Variants in PCDH15 observed in about 807,000 individuals in gnomAD.
PCDH15 encodes the protein protocadherin-15.
PCDH15 carries 129 observed loss-of-function variants against 178.5 expected under a neutral mutation model. The observed-to-expected ratio is 0.72, with a 90% CI of 0.63 to 0.84. The LOEUF is 0.84. Among genes scored for constraint, PCDH15 ranks in the 40% least tolerant of loss-of-function variants. The pLI, the probability that PCDH15 is intolerant of heterozygous loss-of-function variation, is 0.00. For synonymous variants in PCDH15, 800 were observed against 732.0 expected (o/e 1.09, Z -1.50); for missense variants, 2,230 against 2,099.9 (o/e 1.06, Z -1.21).
At chr10:55,247,770 G>A (rs1841719357) in intron 1 of PCDH15, 1 of 151,574 alleles carries the variant, frequency 6.6e-6, no homozygotes, top group Admixed American at 6.6e-5. Context: ...TATACAAATT[G>A]GCCAGGCGTA....
At chr10:55,431,640 A>G (rs1838882304) in intron 2 of PCDH15, among the ~76,000 whole-genome samples, 1 of 152,202 alleles carries the variant, frequency 6.6e-6, no homozygotes, top group Non-Finnish European at 1.5e-5. Flanking sequence ...AAATCTCTTA[A>G]GACAAATTTT....
At chr10:54,309,425 A>G (rs2060762905) in intron 8 of PCDH15, among the ~76,000 whole-genome samples, 1 of 152,012 alleles carries the variant, frequency 6.6e-6, no homozygotes, top group Non-Finnish European at 1.5e-5. Flanking sequence ...ATGATTATTC[A>G]TATTTATATT....
chr10:55,224,077 C>G (rs1285486235), intron 1 of PCDH15, among the ~76,000 whole-genome samples: 1 of 151,954 alleles, frequency 6.6e-6, no homozygotes, highest in Non-Finnish European at 1.5e-5. Context: ...CATGGCGAAG[C>G]CCTATTTCAG....
intron 26 of PCDH15, among the ~76,000 whole-genome samples, chr10:53,901,011 G>C (rs1220261005): frequency 6.6e-6 from 1 of 152,092 alleles, no homozygotes; most frequent in Non-Finnish European, 1.5e-5. Flanking sequence ...GACAGTCAAC[G>C]ATCCTCTTTT....
chr10:54,480,826 A>T (rs1458262463), intron 3 of PCDH15, among the ~76,000 whole-genome samples: 4 of 151,986 alleles, frequency 2.6e-5, no homozygotes, highest in Non-Finnish European at 5.9e-5. Flanking sequence ...TTCTGAAGAC[A>T]AGTGTTCCTT....
intron 6 of PCDH15, among the ~76,000 whole-genome samples, chr10:54,334,320 CA>C (rs1274868894): frequency 9.2e-5 from 14 of 152,128 alleles, no homozygotes; most frequent in Non-Finnish European, 1.5e-5. Flanking sequence ...ACATCCACGC[CA>C]CACACATTCA....
intron 15 of PCDH15, among the ~76,000 whole-genome samples, chr10:54,120,041 G>C (rs994596797): frequency 6.6e-6 from 1 of 152,060 alleles, no homozygotes; most frequent in Non-Finnish European, 1.5e-5. Flanking sequence ...ACCTACAAAG[G>C]TAACCCCATC....
At position 53,846,023 on chromosome 10, in the gene PCDH15, TAC is replaced by T. The variant is rs71461206; in HGVS notation, c.3807-5529_3807-5528del. Among the ~76,000 whole-genome samples the T allele has an allele frequency of 5.6e-3, 823 of 147,002 alleles. 5 individuals are homozygous for T. Among genetic ancestry groups the T allele is most frequent in the African/African-American group, 0.014 (561 of 40,124 alleles). On this transcript the variant is annotated intron_variant, in intron 28 of 37. Coordinates refer to ENST00000644397, the MANE Select transcript of PCDH15 (RefSeq NM_001384140.1). The stretch of plus-strand genomic sequence containing the variant: ...AGGTTATATCAATAGTGTATGTGTA[TAC>T]ACACACACACACACACACACACACA...
At chr10:55,248,046 A>G (rs1841730702) in intron 1 of PCDH15, among the ~76,000 whole-genome samples, 1 of 148,668 alleles carries the variant, frequency 6.7e-6, no homozygotes, top group Admixed American at 6.7e-5. Flanking sequence ...TTATATACAT[A>G]TATTTATATG....
chr10:55,389,416 A>G (rs557023114), intron 2 of PCDH15, among the ~76,000 whole-genome samples: 45 of 152,268 alleles, frequency 3.0e-4, no homozygotes, highest in Non-Finnish European at 5.7e-4. Flanking sequence ...TGTTATAGTC[A>G]GTTTCACCAT....
chr10:55,494,920 T>G (rs1014352704), intron 2 of PCDH15, among the ~76,000 whole-genome samples: 2 of 151,846 alleles, frequency 1.3e-5, no homozygotes, highest in Non-Finnish European at 2.9e-5. Flanking sequence ...GTCATGAGTA[T>G]AGACACACAG....
chr10:55,508,674 G>T (rs1840813875), intron 2 of PCDH15, among the ~76,000 whole-genome samples: 1 of 151,542 alleles, frequency 6.6e-6, no homozygotes, highest in African/African-American at 2.4e-5. Context: ...AAACTGGTTG[G>T]GGAAAATTGT....
At chr10:54,621,651 C>A (rs7089532) in intron 2 of PCDH15, among the ~76,000 whole-genome samples, 4,546 of 151,758 alleles carry the variant, frequency 0.03, 214 homozygotes, top group African/African-American at 0.099. Context: ...TTAAAAGTAC[C>A]CTCCTTCAGC....
intron 27 of PCDH15, among the ~76,000 whole-genome samples, chr10:53,858,744 C>G (rs2078917492): frequency 6.6e-6 from 1 of 152,068 alleles, no homozygotes; most frequent in South Asian, 2.1e-4. Flanking sequence ...CTAAATTTCC[C>G]TTCAACATGT....
At chr10:54,470,604 A>C (rs2077845112) in intron 3 of PCDH15, among the ~76,000 whole-genome samples, 1 of 152,134 alleles carries the variant, frequency 6.6e-6, no homozygotes, top group South Asian at 2.1e-4. Context: ...TGATAGTTTC[A>C]GTGCCCATAT....
At chr10:54,686,280 A>C (rs2095004848) in intron 1 of PCDH15, among the ~76,000 whole-genome samples, 1 of 151,974 alleles carries the variant, frequency 6.6e-6, no homozygotes, top group African/African-American at 2.4e-5. Context: ...TTTTCTAGAA[A>C]AGAAAAGTTC....
Position 54,195,891 on chromosome 10 carries a change from T to A in PCDH15, c.1099-2A>T. On this transcript the variant is annotated splice_acceptor_variant, in intron 10 of 37. Coordinates refer to ENST00000644397, the MANE Select transcript of PCDH15 (RefSeq NM_001384140.1). LOFTEE classifies it high-confidence loss of function. ...AGGATGACCATTGTCTTGTTCAGCCTAAAATTGAAAAGAAAAGAAAATATT... is the reference window on the plus strand; with the variant it reads ...AGGATGACCATTGTCTTGTTCAGCCAAAAATTGAAAAGAAAAGAAAATATT... 1 of 1,612,514 alleles carries A rather than the reference T, an allele frequency of 6.2e-7. No homozygotes were observed. Among genetic ancestry groups the A allele is most frequent in the Non-Finnish European group, 8.5e-7 (1 of 1,178,608 alleles).
chr10:53,820,254 G>GA (rs1205815124), intron 32 of PCDH15, 24 bp from the exon 33 acceptor site: 14 of 397,322 alleles, frequency 3.5e-5, no homozygotes, highest in South Asian at 1.3e-4. Context: ...GTGAAAGAAA[G>GA]AAAAAAATCA....
chr10:53,932,894 G>A (rs1372132680), intron 25 of PCDH15, among the ~76,000 whole-genome samples: 1 of 152,058 alleles, frequency 6.6e-6, no homozygotes, highest in Non-Finnish European at 1.5e-5. Context: ...ATCCCTCATG[G>A]CTTGGTGTTG....
Sources: gnomAD v4.1 joint callset for allele counts (sites outside exome capture counted in the v4.1 genomes callset) on GRCh38, gnomAD v4.1.1 for gene constraint, MANE v1.5 for transcripts, NCBI Gene and HGNC (gene_info 2026-07-23, HGNC 2026-07-21) for gene names.